CYYR1: variants seen among roughly 807,000 people sequenced by gnomAD.
CYYR1 encodes cysteine and tyrosine rich 1.
A neutral mutation model predicts 15.2 loss-of-function variants in CYYR1; 14 were observed. That is an observed-to-expected ratio of 0.92 (90% CI 0.61 to 1.44). The LOEUF (loss-of-function observed/expected upper bound fraction) is 1.44. CYYR1 is among the 40% of genes most tolerant of loss of function. The pLI is 0.00. For synonymous variants in CYYR1, 80 were observed against 77.4 expected (o/e 1.03, Z -0.18); for missense variants, 228 against 209.5 (o/e 1.09, Z -0.54).
At chr21:26,505,387 G>A (rs1049975862) in intron 2 of CYYR1, among the ~76,000 whole-genome samples, 10 of 152,212 alleles carry the variant, frequency 6.6e-5, no homozygotes, top group African/African-American at 2.4e-4. Context: ...GGAAGATGGT[G>A]CATTCCAGAG....
chr21:26,473,734 G>A (rs71317470), intron 3 of CYYR1, among the ~76,000 whole-genome samples: 24,081 of 152,044 alleles, frequency 0.16, 2,102 homozygotes, highest in Admixed American at 0.24. Flanking sequence ...AAGGCTGAGG[G>A]GATTTTTGAG....
intron 2 of CYYR1, among the ~76,000 whole-genome samples, chr21:26,498,863 T>C (rs2065442990): frequency 6.6e-6 from 1 of 152,046 alleles, no homozygotes; most frequent in Non-Finnish European, 1.5e-5. Context: ...CTCATGAGAA[T>C]TCACTCATTA....
At chr21:26,542,296 T>TTC (rs1978625454) in intron 2 of CYYR1, among the ~76,000 whole-genome samples, 1 of 148,732 alleles carries the variant, frequency 6.7e-6, no homozygotes. Context: ...TGTGCGTGTG[T>TTC]GTGTGTGTGT....
intron 2 of CYYR1, among the ~76,000 whole-genome samples, chr21:26,506,310 A>T (rs535044933): frequency 6.6e-6 from 1 of 152,306 alleles, no homozygotes; most frequent in Admixed American, 6.5e-5. Flanking sequence ...TGCTTAATTT[A>T]TCTGCATTGT....
At chr21:26,493,059 G>A (rs1312507774) in intron 2 of CYYR1, among the ~76,000 whole-genome samples, 1 of 152,060 alleles carries the variant, frequency 6.6e-6, no homozygotes, top group African/African-American at 2.4e-5. Context: ...TAGAGCAGAA[G>A]CACATTTCAG....
Position 26,563,158 on chromosome 21 carries a change from AT to A in CYYR1, c.176+3107del, listed in dbSNP as rs570216974. ...GTAGACAGGCCATCTTTTAAGTTCA[AT>A]TTTAAAGTTTTTCATAAGACAGAAG... On this transcript the variant is annotated intron_variant, in intron 2 of 3. Coordinates refer to ENST00000652641, the MANE Select transcript of CYYR1 (RefSeq NM_001320768.2). Among the ~76,000 whole-genome samples, 298 of 152,304 alleles carry A rather than the reference AT, an allele frequency of 2.0e-3. 2 individuals carry two copies. Among genetic ancestry groups the A allele is most frequent in the African/African-American group, 6.8e-3 (281 of 41,560 alleles).
chr21:26,498,601 A>C (rs2065438566), intron 2 of CYYR1, among the ~76,000 whole-genome samples: 2 of 152,190 alleles, frequency 1.3e-5, no homozygotes, highest in African/African-American at 4.8e-5. Flanking sequence ...TGAAAACTGG[A>C]ACATAACAAT....
chr21:26,540,963 G>A (rs548139923), intron 2 of CYYR1, among the ~76,000 whole-genome samples: 1 of 152,082 alleles, frequency 6.6e-6, no homozygotes, highest in South Asian at 2.1e-4. Context: ...AGAACCAAAT[G>A]GAAATTCTAG....
intron 2 of CYYR1, among the ~76,000 whole-genome samples, chr21:26,487,908 A>T (rs2065271949): frequency 1.2e-5 from 1 of 82,354 alleles, no homozygotes; most frequent in South Asian, 3.5e-4. Flanking sequence ...GTAAGTCTAC[A>T]TTACTTGCAA....
At chr21:26,470,397 C>A (rs1054998934) in intron 3 of CYYR1, among the ~76,000 whole-genome samples, 8 of 152,100 alleles carry the variant, frequency 5.3e-5, no homozygotes, top group African/African-American at 1.9e-4. Flanking sequence ...AATGTCATGC[C>A]ATTTTGTAAT....
At chr21:26,560,477 TAGAAGGC>T (rs1980121093) in intron 2 of CYYR1, among the ~76,000 whole-genome samples, 1 of 152,186 alleles carries the variant, frequency 6.6e-6, no homozygotes, top group South Asian at 2.1e-4. Flanking sequence ...CTAGAAGTGG[TAGAAGGC>T]ACTAGTTTGT....
chr21:26,562,177 C>A (rs1328693899), intron 2 of CYYR1, among the ~76,000 whole-genome samples: 1 of 152,158 alleles, frequency 6.6e-6, no homozygotes, highest in East Asian at 1.9e-4. Context: ...AGGCTTCTAT[C>A]TTCGGGTAGT....
intron 2 of CYYR1, chr21:26,482,292 A>C (rs2065192074): frequency 1.0e-6 from 1 of 977,914 alleles, no homozygotes; most frequent in South Asian, 4.7e-5. Context: ...ATTTCCATGA[A>C]TTTTTATTTT....
At chr21:26,479,225 T>G (rs552939164) in intron 3 of CYYR1, among the ~76,000 whole-genome samples, 9 of 150,610 alleles carry the variant, frequency 6.0e-5, no homozygotes, top group African/African-American at 2.2e-4. Flanking sequence ...GAAGAAGAAC[T>G]GGCCAAAGAG....
At chr21:26,486,407 T>A (rs1386383642) in intron 2 of CYYR1, among the ~76,000 whole-genome samples, 1 of 152,074 alleles carries the variant, frequency 6.6e-6, no homozygotes, top group Non-Finnish European at 1.5e-5. Context: ...CATTTGATAT[T>A]TAAACCTATG....
chr21:26,538,548 T>C, intron 2 of CYYR1, among the ~76,000 whole-genome samples: 1 of 152,174 alleles, frequency 6.6e-6, no homozygotes. Flanking sequence ...TTTGCCACTC[T>C]TTTTTCTTTA....
At chr21:26,490,898 A>G (rs924227990) in intron 2 of CYYR1, among the ~76,000 whole-genome samples, 5 of 152,192 alleles carry the variant, frequency 3.3e-5, no homozygotes, top group Admixed American at 1.3e-4. Flanking sequence ...AGATGAAAAA[A>G]TTCTACTTGG....
intron 2 of CYYR1, among the ~76,000 whole-genome samples, chr21:26,552,326 T>C (rs935823998): frequency 1.3e-5 from 2 of 152,176 alleles, no homozygotes; most frequent in African/African-American, 4.8e-5. Context: ...CAGCTTTCTT[T>C]TGGTTAATAT....
intron 2 of CYYR1, chr21:26,483,427 AAG>A (rs77585386): frequency 5.2e-6 from 5 of 965,190 alleles, no homozygotes; most frequent in Non-Finnish European, 6.1e-6. Flanking sequence ...AAAAAAAAAA[AAG>A]CTTGAAGTAG....
Sources: allele counts gnomAD v4.1 joint callset (sites outside exome capture counted in the v4.1 genomes callset), GRCh38; gene constraint gnomAD v4.1.1; transcripts MANE v1.5; gene names NCBI Gene and HGNC (gene_info 2026-07-23, HGNC 2026-07-21).